Variants in ZNF683 observed in about 807,000 individuals in gnomAD.
ZNF683 encodes the protein tissue-resident T-cell transcription regulator protein ZNF683.
Under a neutral mutation model 31.4 loss-of-function variants are expected in ZNF683, and 20 were observed. The observed-to-expected ratio is 0.64, with a 90% CI of 0.45 to 0.93. The LOEUF is 0.93. Ranked by LOEUF, ZNF683 falls within the 40% of genes least tolerant of loss-of-function variation. The probability of loss-of-function intolerance (pLI) is 0.00; values close to 1 mark genes in which losing one functional copy is unlikely to be tolerated. For synonymous variants in ZNF683, 264 were observed against 267.6 expected (o/e 0.99, Z 0.13); for missense variants, 621 against 637.2 (o/e 0.97, Z 0.27).
intron 3 of ZNF683, among the ~76,000 whole-genome samples, chr1:26,367,116 T>G (rs966446891): frequency 6.6e-6 from 1 of 152,012 alleles, no homozygotes; most frequent in East Asian, 2.0e-4. Flanking sequence ...AATACAAAAA[T>G]TAGCCGGGGG....
intron 3 of ZNF683, 78 bp from the exon 4 acceptor site, chr1:26,365,304 G>A (rs1188827736): frequency 1.1e-5 from 15 of 1,413,330 alleles, no homozygotes; most frequent in Admixed American, 2.5e-5. Flanking sequence ...TGCCCTGCTC[G>A]GGGCTGAGAA....
In ZNF683 at chr1:26,363,124, G is replaced by T; in HGVS notation, c.1045C>A (p.Pro349Thr). 6.2e-7 allele frequency: 1 copy of T among 1,612,644 alleles called. No homozygotes were observed. Among genetic ancestry groups the T allele is most frequent in the Non-Finnish European group, 8.5e-7 (1 of 1,179,318 alleles). ...VHLRVHSGER[P>T]FQCALCQKSF... The stretch of plus-strand genomic sequence containing the variant: ...TTCTGGCACAAGGCACACTGGAATG[G>T]ACGCTCTCCACTGTGCACACGCAGG... Residue 349 changes from proline to threonine, a missense_variant, in exon 5 of 6, where the codon CCA becomes ACA. Pro to Thr is a conservative substitution (Grantham distance 38). Coordinates refer to ENST00000349618, the MANE Select transcript of ZNF683 (RefSeq NM_001114759.3).
Position 26,364,655 on chromosome 1 carries a change from C to T in ZNF683, c.891G>A (p.Arg297=). 6.2e-7 allele frequency: 1 copy of T among 1,614,024 alleles called. No individual in the cohort carries two copies. Among genetic ancestry groups the T allele is most frequent in the Non-Finnish European group, 8.5e-7 (1 of 1,179,892 alleles). Residue 297 remains arginine, a synonymous_variant, in exon 4 of 6, where the codon CGG becomes CGA. Transcript: ENST00000349618. ...TGCCTGTCTGGGAACTCAATGGGACCCGCTTTGCTGGAGATGCCATGCCAC... is the reference window on the plus strand; with the variant it reads ...TGCCTGTCTGGGAACTCAATGGGACTCGCTTTGCTGGAGATGCCATGCCAC... ...ERGGMASPAK[R]VPLSSQTGTA...
At chr1:26,371,665 C>G (rs1469883911) in intron 1 of ZNF683, among the ~76,000 whole-genome samples, 1 of 150,298 alleles carries the variant, frequency 6.7e-6, no homozygotes, top group African/African-American at 2.5e-5. Context: ...GGTGTGGTGG[C>G]TCACATCTGT....
At chr1:26,363,543 G>T (rs896546956) in intron 4 of ZNF683, among the ~76,000 whole-genome samples, 2 of 152,070 alleles carry the variant, frequency 1.3e-5, no homozygotes, top group African/African-American at 4.8e-5. Flanking sequence ...CGAGGAGGGA[G>T]GATCAATGGA....
In ZNF683 at chr1:26,365,206, G is replaced by T; in HGVS notation, c.340C>A (p.Gln114Lys). 6.2e-7 allele frequency: 1 copy of T among 1,603,766 alleles called. No homozygotes were observed. The highest frequency in any genetic ancestry group is 8.5e-7 in the Non-Finnish European group (1 of 1,175,636). Residue 114 changes from glutamine to lysine, a missense_variant, in exon 4 of 6, where the codon CAG becomes AAG. Gln to Lys is a moderately conservative substitution (Grantham distance 53, BLOSUM62 1). Coordinates refer to ENST00000349618, the MANE Select transcript of ZNF683 (RefSeq NM_001114759.3). ...TTCTTGTCATCGGTGGAGCTGGCCT[G>T]CAGCCCTGGTGGCTCGTGCTCTAAG... ...LSMKHEPPGL[Q>K]ASSTDDKKFT...
At chr1:26,362,196 C>T in intron 5 of ZNF683, 174 bp from the exon 6 acceptor site, 1 of 1,569,180 alleles carries the variant, frequency 6.4e-7, no homozygotes, top group Non-Finnish European at 8.6e-7. Context: ...AGAACCAGGC[C>T]AACTTGGGTT....
chr1:26,369,713 C>T (rs1044228002), intron 1 of ZNF683, among the ~76,000 whole-genome samples: 5 of 150,060 alleles, frequency 3.3e-5, no homozygotes, highest in Non-Finnish European at 5.9e-5. Context: ...ACCTGTAGTC[C>T]CAGCTACTAG....
Position 26,364,993 on chromosome 1 carries a change from G to A in ZNF683, c.553C>T (p.Leu185Phe). The A allele has an allele frequency of 1.9e-6, 3 of 1,579,834 alleles. No individual in the cohort carries two copies. The South Asian group carries it at 3.5e-5, about 19-fold the overall frequency. The change falls in exon 4 of 6, where the codon CTC (leucine) becomes TTC (phenylalanine). Residue 185 changes from leucine (L) to phenylalanine (F), a missense_variant. By Grantham distance (22) the Leu-to-Phe change is conservative. Transcript: ENST00000349618. ...CPPVNSISKE[L>F]PFLLHAFYPG... Reference sequence around the variant, plus strand: ...TAGAAGGCGTGGAGGAGAAATGGGAGCTCCTTGGAGATGGAGTTGACAGGG... The same window carrying A: ...TAGAAGGCGTGGAGGAGAAATGGGAACTCCTTGGAGATGGAGTTGACAGGG...
intron 3 of ZNF683, 90 bp downstream of exon 3, chr1:26,367,503 T>C: frequency 7.6e-7 from 1 of 1,318,466 alleles, no homozygotes; most frequent in African/African-American, 1.5e-5. Context: ...TGACACTGCG[T>C]CCTCTCCACC....
intron 5 of ZNF683, among the ~76,000 whole-genome samples, chr1:26,362,383 A>G (rs1199438622): frequency 6.6e-6 from 1 of 152,162 alleles, no homozygotes; most frequent in Non-Finnish European, 1.5e-5. Context: ...TGTAATGAAC[A>G]TTTACAGGGG....
intron 5 of ZNF683, chr1:26,362,234 G>C (rs935420792): frequency 6.3e-5 from 96 of 1,526,756 alleles, no homozygotes; most frequent in Non-Finnish European, 8.3e-5. Context: ...GTGTGACCTT[G>C]TAAAAGTAAC....
Position 26,364,815 on chromosome 1 carries a change from C to T in ZNF683, c.731G>A (p.Gly244Glu). 1 of 1,278,620 alleles carries T rather than the reference C, an allele frequency of 7.8e-7. No homozygotes were observed. The highest frequency in any genetic ancestry group is 1.1e-6 in the Non-Finnish European group (1 of 952,106). The allele number at this position is 1,278,620 out of a possible 1,614,324, so 79.2% of individuals were successfully genotyped here. ...PSLLMMVNEL[G>E]HPSARWETLL... Reference sequence around the variant, plus strand: ...GGTCTCCCACCGAGCGCTGGGGTGCCCCAGCTCATTGACCATCATCAGCAG... The same window carrying T: ...GGTCTCCCACCGAGCGCTGGGGTGCTCCAGCTCATTGACCATCATCAGCAG... Residue 244 changes from glycine (G) to glutamate (E), a missense_variant, in exon 4 of 6, where the codon GGG becomes GAG. Gly to Glu is a moderately conservative substitution (Grantham distance 98). Transcript: ENST00000349618.
Position 26,361,760 on chromosome 1 carries a change from T to G in ZNF683, c.1406A>C (p.Tyr469Ser), listed in dbSNP as rs746307584. 1 of 1,614,068 alleles carries G rather than the reference T, an allele frequency of 6.2e-7. No homozygotes were observed. The highest frequency in any genetic ancestry group is 1.1e-5 in the South Asian group (1 of 91,090). ...GGACACTTTGACCTCATCTATGTCA[T>G]AGCCCATGTGTTTCTCAGATGCCAC... ...MAVASEKHMG[Y>S]DIDEVKVSST... is the part of the protein sequence containing the mutation. The change falls in exon 6 of 6, where the codon TAT becomes TCT. Residue 469 changes from tyrosine to serine, a missense_variant. By Grantham distance (144) the Tyr-to-Ser change is moderately radical. Coordinates refer to ENST00000349618, the MANE Select transcript of ZNF683 (RefSeq NM_001114759.3).
chr1:26,369,708 T>TA (rs1445315275), intron 1 of ZNF683, among the ~76,000 whole-genome samples: 1 of 149,096 alleles, frequency 6.7e-6, no homozygotes, highest in African/African-American at 2.5e-5. Context: ...CTCACACCTG[T>TA]AGTCCCAGCT....
chr1:26,361,720 C>T lies in ZNF683; in HGVS notation c.1446G>A (p.Gly482=), dbSNP rs142594969. The part of the protein sequence containing the change: ...DEVKVSSTSQ[G]KARAVSLSSA... Reference sequence around the variant, plus strand: ...TGCTCAGGCTCACTGCTCTTGCTTTCCCCTGGGATGTCGAGGACACTTTGA... The same window carrying T: ...TGCTCAGGCTCACTGCTCTTGCTTTTCCCTGGGATGTCGAGGACACTTTGA... Residue 482 remains glycine, a synonymous_variant, in exon 6 of 6, where the codon GGG becomes GGA. Transcript: ENST00000349618. The T allele has an allele frequency of 3.9e-5, 63 of 1,614,068 alleles. No individual in the cohort carries two copies. The African/African-American group carries it at 7.3e-4, about 19-fold the overall frequency.
intron 1 of ZNF683, chr1:26,372,336 C>T: frequency 2.1e-6 from 1 of 475,844 alleles, no homozygotes; most frequent in East Asian, 7.1e-5. Flanking sequence ...TCCATGTAGA[C>T]ATCTGTCAGG....
At chr1:26,365,900 G>T (rs1251266035) in intron 3 of ZNF683, among the ~76,000 whole-genome samples, 1 of 151,906 alleles carries the variant, frequency 6.6e-6, no homozygotes, top group African/African-American at 2.4e-5. Context: ...GAAAATTAAG[G>T]CTGGGCACGG....
intron 1 of ZNF683, chr1:26,370,633 C>A (rs1437508071): frequency 2.0e-6 from 2 of 985,788 alleles, no homozygotes; most frequent in East Asian, 2.3e-4. Flanking sequence ...AAGCAAATAC[C>A]ATGGACCCCC....
Sources: gnomAD v4.1 joint callset for allele counts (sites outside exome capture counted in the v4.1 genomes callset) on GRCh38, gnomAD v4.1.1 for gene constraint, MANE v1.5 for transcripts, NCBI Gene and HGNC (gene_info 2026-07-23, HGNC 2026-07-21) for gene names.